The following PCDHAC1 variants were observed in gnomAD, a reference collection of about 807,000 sequenced individuals.
The protein encoded by PCDHAC1 is protocadherin alpha subfamily C, 1.
In PCDHAC1, 42 loss-of-function variants were observed where a neutral mutation model predicts 60.0. The ratio of observed to expected loss-of-function variants is 0.70; its 90% confidence interval spans 0.55 to 0.90. The LOEUF (loss-of-function observed/expected upper bound fraction) is 0.90, where lower values mean the gene tolerates loss of function less well. Among genes scored for constraint, PCDHAC1 ranks in the 40% least tolerant of loss-of-function variants. The probability of loss-of-function intolerance (pLI) is 0.00; values close to 1 mark genes in which losing one functional copy is unlikely to be tolerated. For missense variants in PCDHAC1, 1,160 were observed against 1,222.3 expected, an observed-to-expected ratio of 0.95 and a Z score of 0.76; for synonymous variants, 468 against 499.3, an observed-to-expected ratio of 0.94 and a Z score of 0.84.
chr5:140,969,998 G>A (rs1345371434), intron 1 of PCDHAC1, among the ~76,000 whole-genome samples: 2 of 152,220 alleles, frequency 1.3e-5, no homozygotes, highest in Non-Finnish European at 2.9e-5. Flanking sequence ...GGCTGTCAGA[G>A]GGAGTGGATG....
At chr5:141,005,479 G>A (rs371636060) in intron 3 of PCDHAC1, among the ~76,000 whole-genome samples, 43 of 151,818 alleles carry the variant, frequency 2.8e-4, no homozygotes, top group Non-Finnish European at 2.6e-4. Context: ...CGAGACGGGC[G>A]GATCATGAGG....
At chr5:140,968,657 G>C in intron 1 of PCDHAC1, 1 of 1,614,142 alleles carries the variant, frequency 6.2e-7, no homozygotes, top group Non-Finnish European at 8.5e-7. Context: ...TTCTGACCTG[G>C]ACCTCTTTAA....
intron 3 of PCDHAC1, among the ~76,000 whole-genome samples, chr5:140,996,637 G>A (rs2097735642): frequency 6.6e-6 from 1 of 152,190 alleles, no homozygotes; most frequent in Admixed American, 6.5e-5. Flanking sequence ...TGCAAATTAT[G>A]TAGTTAATCC....
intron 1 of PCDHAC1, among the ~76,000 whole-genome samples, chr5:140,958,853 G>T (rs897789588): frequency 1.3e-5 from 2 of 151,804 alleles, no homozygotes; most frequent in Non-Finnish European, 2.9e-5. Context: ...AGTGTCTTTG[G>T]TTTACTGGGT....
chr5:140,939,037 T>C (rs1295630675), intron 1 of PCDHAC1, among the ~76,000 whole-genome samples: 2 of 152,212 alleles, frequency 1.3e-5, no homozygotes, highest in African/African-American at 4.8e-5. Context: ...TCGGAAGAGT[T>C]GTCTTAGTCC....
At chr5:140,934,013 A>G (rs2089566693) in intron 1 of PCDHAC1, among the ~76,000 whole-genome samples, 1 of 151,836 alleles carries the variant, frequency 6.6e-6, no homozygotes. Context: ...TTTCTTGACT[A>G]GACTTGGAAG....
chr5:141,009,935 T>C lies in PCDHAC1; in HGVS notation c.2890T>C (p.Ter964ArgextTer53). The change falls in exon 4 of 4, where the codon TGA (stop) becomes CGA (arginine). Residue 964 changes from the stop codon to arginine, a stop_lost. Coordinates refer to ENST00000253807, the MANE Select transcript of PCDHAC1 (RefSeq NM_018898.5). ...CAGCACGACTGACAACAGTGACCAG[T>C]GAGGTCCTCAAATGGAAACAAGCCA... ...GNSTTDNSDQ[*>R] 1.2e-6 allele frequency: 2 copies of C among 1,602,416 alleles called. No homozygotes were observed. The highest frequency in any genetic ancestry group is 1.7e-6 in the Non-Finnish European group (2 of 1,176,054).
At chr5:140,993,151 TC>T (rs2097543126) in intron 3 of PCDHAC1, among the ~76,000 whole-genome samples, 1 of 152,246 alleles carries the variant, frequency 6.6e-6, no homozygotes, top group Admixed American at 6.5e-5. Flanking sequence ...ATAAATGGAT[TC>T]TAAATATTTG....
Position 141,010,222 on chromosome 5 carries a change from C to T in PCDHAC1, c.*285C>T. 6.4e-7 allele frequency: 1 copy of T among 1,551,730 alleles called. No homozygotes were observed. The highest frequency in any genetic ancestry group is 2.4e-5 in the East Asian group (1 of 40,912). ...CCTCCGCCGCAAAGGAGAGGCTTCC[C>T]AGCCCCGCCAGTGAGAGGTTGGACT... On this transcript the variant is annotated 3_prime_UTR_variant, in exon 4 of 4. Transcript: ENST00000253807.
At chr5:140,976,894 CAGT>C (rs1199753516) in intron 1 of PCDHAC1, among the ~76,000 whole-genome samples, 1 of 152,132 alleles carries the variant, frequency 6.6e-6, no homozygotes, top group African/African-American at 2.4e-5. Context: ...ATACATGCAA[CAGT>C]ATGTAATAAA....
chr5:141,004,024 C>T (rs1380291199), intron 3 of PCDHAC1, among the ~76,000 whole-genome samples: 1 of 152,210 alleles, frequency 6.6e-6, no homozygotes, highest in African/African-American at 2.4e-5. Context: ...AAAGAAGAAA[C>T]ATTTCCTTGA....
chr5:140,982,487 A>G lies in PCDHAC1; in HGVS notation c.2505A>G (p.Leu835=), dbSNP rs1417892860. 3 of 1,614,078 alleles carry G rather than the reference A, an allele frequency of 1.9e-6. No homozygotes were observed. Among genetic ancestry groups the G allele is most frequent in the Non-Finnish European group, 2.5e-6 (3 of 1,180,034 alleles). Residue 835 remains leucine (L), a synonymous_variant, in exon 3 of 4, where the codon CTA becomes CTG. Coordinates refer to ENST00000253807, the MANE Select transcript of PCDHAC1 (RefSeq NM_018898.5). ...TGTGTTTATTCAGCTCTGTGCACCTAGAGGAGGCTGGCATTCTACGGGCTG... is the reference window on the plus strand; with the variant it reads ...TGTGTTTATTCAGCTCTGTGCACCTGGAGGAGGCTGGCATTCTACGGGCTG... The part of the protein sequence containing the change: ...LRAGMHSSVH[L]EEAGILRAGP...
intron 3 of PCDHAC1, among the ~76,000 whole-genome samples, chr5:140,983,909 C>G (rs2097076070): frequency 6.6e-6 from 1 of 152,226 alleles, no homozygotes. Flanking sequence ...TGATTCTAAT[C>G]AGCCAGGATT....
chr5:141,002,120 T>C (rs1416494483), intron 3 of PCDHAC1, among the ~76,000 whole-genome samples: 1 of 152,250 alleles, frequency 6.6e-6, no homozygotes, highest in African/African-American at 2.4e-5. Context: ...CTATAATCAT[T>C]TAATAGCCTT....
intron 1 of PCDHAC1, among the ~76,000 whole-genome samples, chr5:140,973,337 G>T (rs2096582330): frequency 6.6e-6 from 1 of 152,162 alleles, no homozygotes; most frequent in African/African-American, 2.4e-5. Flanking sequence ...TCGTTGTAAA[G>T]TGACATAGTA....
intron 3 of PCDHAC1, among the ~76,000 whole-genome samples, chr5:140,999,654 C>T (rs180994815): frequency 1.3e-3 from 194 of 152,238 alleles, no homozygotes; most frequent in African/African-American, 4.4e-3. Context: ...AGCCTGAGCC[C>T]TGCTGGGTTG....
intron 1 of PCDHAC1, chr5:140,966,752 C>T (rs1013247328): frequency 3.5e-6 from 5 of 1,432,026 alleles, no homozygotes; most frequent in Non-Finnish European, 4.6e-6. Flanking sequence ...GCTGCCTCCG[C>T]CGCGGCCAGT....
At chr5:140,977,107 T>C (rs1419522797) in intron 1 of PCDHAC1, among the ~76,000 whole-genome samples, 2 of 152,166 alleles carry the variant, frequency 1.3e-5, no homozygotes, top group Non-Finnish European at 2.9e-5. Flanking sequence ...GGAAGTGAGA[T>C]TGTATAATGA....
chr5:141,008,400 T>A (rs1347375750), intron 3 of PCDHAC1, among the ~76,000 whole-genome samples: 3 of 152,082 alleles, frequency 2.0e-5, no homozygotes, highest in African/African-American at 7.2e-5. Context: ...GATGTCAGAG[T>A]TCCAATGTCA....
Sources: gnomAD v4.1 joint callset for allele counts (sites outside exome capture counted in the v4.1 genomes callset) on GRCh38, gnomAD v4.1.1 for gene constraint, MANE v1.5 for transcripts, NCBI Gene and HGNC (gene_info 2026-07-23, HGNC 2026-07-21) for gene names.